Variants in FXR2 observed in about 807,000 individuals in gnomAD.
The protein encoded by FXR2 is RNA-binding protein FXR2.
FXR2 carries 9 observed loss-of-function variants against 87.3 expected under a neutral mutation model. That is an observed-to-expected ratio of 0.10 (90% CI 0.06 to 0.18). FXR2 has a LOEUF of 0.18. Among genes scored for constraint, FXR2 ranks in the 10% least tolerant of loss-of-function variants. The pLI is 1.00. For synonymous variants in FXR2, 331 were observed against 328.3 expected, an observed-to-expected ratio of 1.01 and a Z score of -0.09; for missense variants, 661 against 893.6, an observed-to-expected ratio of 0.74 and a Z score of 3.32.
chr17:7,610,341 T>C (rs1056160013), intron 1 of FXR2, among the ~76,000 whole-genome samples: 5 of 152,154 alleles, frequency 3.3e-5, no homozygotes, highest in Non-Finnish European at 7.3e-5. Context: ...TTACTGCTTT[T>C]GTGGAGAGAT....
At chr17:7,607,840 C>T (rs552248800) in intron 1 of FXR2, among the ~76,000 whole-genome samples, 23 of 152,042 alleles carry the variant, frequency 1.5e-4, no homozygotes, top group Non-Finnish European at 2.4e-4. Context: ...TTGTTGCCCA[C>T]GCTGGAGTGC....
intron 1 of FXR2, among the ~76,000 whole-genome samples, chr17:7,611,263 C>T (rs992044622): frequency 6.6e-6 from 1 of 151,706 alleles, no homozygotes; most frequent in African/African-American, 2.4e-5. Context: ...GTTACGGATG[C>T]CAGTCTGACA....
chr17:7,603,166 G>A (rs1478475078), intron 5 of FXR2, among the ~76,000 whole-genome samples, 164 bp from the exon 6 acceptor site: 1 of 150,440 alleles, frequency 6.6e-6, no homozygotes, highest in Non-Finnish European at 1.5e-5. Context: ...GGGCAACATA[G>A]TGAGACCCTG....
chr17:7,612,664 A>T (rs1053179978), intron 1 of FXR2, among the ~76,000 whole-genome samples: 4 of 152,092 alleles, frequency 2.6e-5, no homozygotes, highest in Non-Finnish European at 5.9e-5. Context: ...TGATGAGGGA[A>T]GTAAGGCAAA....
Position 7,592,072 on chromosome 17 carries a change from T to G in FXR2, c.1927-147A>C. ...ATCTCATGATCCAGTCTCTCTTACT[T>G]GGGATCCAGAAAATGTGAACCACAC... On this transcript the variant is annotated intron_variant, in intron 16 of 16. Transcript: ENST00000250113. The surrounding 1 kb of genome is among the most constrained non-coding windows in gnomAD (Gnocchi z 4.8). The G allele has an allele frequency of 7.0e-7, 1 of 1,434,104 alleles. No individual in the cohort carries two copies. Among genetic ancestry groups the G allele is most frequent in the Non-Finnish European group, 9.2e-7 (1 of 1,083,780 alleles). 88.8% of individuals were successfully genotyped at this position (1,434,104 alleles called of 1,614,324 possible). A position where few individuals can be genotyped will look rare whatever the true frequency, so the allele number is the denominator to read the frequency against.
At position 7,614,477 on chromosome 17, in the gene FXR2, C is replaced by T; in HGVS notation, c.56G>A (p.Arg19His). 1.3e-6 allele frequency: 2 copies of T among 1,541,478 alleles called. No individual in the cohort carries two copies. The highest frequency in any genetic ancestry group is 1.7e-6 in the Non-Finnish European group (2 of 1,146,600). ...CTTGTAGAAGGCCCCGTTGGAGCCG[C>T]GCACCTCGACGGGCAGTCCCGGCTC... ...DVEPGLPVEV[R>H]GSNGAFYKGF... The change falls in exon 1 of 17, where the codon CGC becomes CAC. Residue 19 changes from arginine to histidine, a missense_variant. Physicochemically the swap from Arg to His is conservative, Grantham distance 29 (BLOSUM62 0). This residue lies in a region of FXR2 where 170 missense variants were observed against 247.2 expected (regional missense o/e 0.69). Coordinates refer to ENST00000250113, the MANE Select transcript of FXR2 (RefSeq NM_004860.4).
In FXR2 at chr17:7,591,658, CCT is replaced by C; in HGVS notation, c.*170_*171del. On this transcript the variant is annotated 3_prime_UTR_variant, in exon 17 of 17. Coordinates refer to ENST00000250113, the MANE Select transcript of FXR2 (RefSeq NM_004860.4). This position sits in a 1 kb window ranked among gnomAD's most constrained non-coding sequence, Gnocchi z 4.0. ...GTGGACAAGAGGGAGGGGGTATGACCCTGTTACACACCCCTCCACTAGCTCCT... is the reference window on the plus strand; with the variant it reads ...GTGGACAAGAGGGAGGGGGTATGACCGTTACACACCCCTCCACTAGCTCCT... 1.5e-6 allele frequency: 1 copy of C among 649,150 alleles called. No homozygotes were observed. The allele number at this position is 649,150 out of a possible 1,614,324, so 40.2% of individuals were successfully genotyped here. A position where few individuals can be genotyped will look rare whatever the true frequency, so the allele number is the denominator to read the frequency against.
Position 7,593,534 on chromosome 17 carries a change from C to T in FXR2, c.1199G>A (p.Gly400Asp). The T allele has an allele frequency of 1.3e-6, 2 of 1,592,988 alleles. No homozygotes were observed. The highest frequency in any genetic ancestry group is 8.5e-7 in the Non-Finnish European group (1 of 1,171,446). The change falls in exon 12 of 17, where the codon GGC becomes GAC. Residue 400 changes from glycine (G) to aspartate (D), a missense_variant. By Grantham distance (94) the Gly-to-Asp change is moderately conservative. This residue lies in a region of FXR2 where 409 missense variants were observed against 432.0 expected (regional missense o/e 0.95). Coordinates refer to ENST00000250113, the MANE Select transcript of FXR2 (RefSeq NM_004860.4). This position sits in a 1 kb window ranked among gnomAD's most constrained non-coding sequence, Gnocchi z 6.1. ...TCCAGCCTTGTCGCTGCCACCGCTG[C>T]CCCGCCCACTCCCAGGAGGGCGAAA... ...LGFRPPGSGR[G>D]SGGSDKAGYS...
At chr17:7,599,943 GC>G (rs1353300532) in intron 7 of FXR2, among the ~76,000 whole-genome samples, 1 of 152,174 alleles carries the variant, frequency 6.6e-6, no homozygotes, top group Non-Finnish European at 1.5e-5. Context: ...TGTTGCCCAG[GC>G]TGGAGTACAA....
At chr17:7,599,135 C>CAA (rs35150877) in intron 7 of FXR2, among the ~76,000 whole-genome samples, 32 of 131,780 alleles carry the variant, frequency 2.4e-4, no homozygotes, top group African/African-American at 8.9e-4. Context: ...AAACTGTCTC[C>CAA]AAAAAAAAAA....
rs1254621147 is a variant in FXR2 at position 7,592,887 on chromosome 17, C to T, written c.1536G>A (p.Lys512=). The part of the protein sequence containing the change: ...YNSSSISSVL[K]DPDSNPYSLL... Reference sequence around the variant, plus strand: ...GGCTGTAGGGATTACTGTCTGGATCCTTCAGCACTGGTCAGAGGAAGAAGA... The same window carrying T: ...GGCTGTAGGGATTACTGTCTGGATCTTTCAGCACTGGTCAGAGGAAGAAGA... Residue 512 remains lysine (K), a synonymous_variant, in exon 14 of 17, where the codon AAG becomes AAA. Transcript: ENST00000250113. The surrounding 1 kb of genome is among the most constrained non-coding windows in gnomAD (Gnocchi z 4.8). The T allele has an allele frequency of 1.9e-6, 3 of 1,577,270 alleles. No individual in the cohort carries two copies. The highest frequency in any genetic ancestry group is 1.7e-6 in the Non-Finnish European group (2 of 1,160,744).
intron 5 of FXR2, 140 bp downstream of exon 5, chr17:7,603,617 C>T: frequency 1.5e-6 from 1 of 664,796 alleles, no homozygotes; most frequent in Non-Finnish European, 2.6e-6. Flanking sequence ...AACTAAGTGT[C>T]TTCTTAGCAA....
chr17:7,594,201 A>G lies in FXR2; in HGVS notation c.1020+37T>C. 1 of 1,246,248 alleles carries G rather than the reference A, an allele frequency of 8.0e-7. No homozygotes were observed. The highest frequency in any genetic ancestry group is 1.5e-5 in the African/African-American group (1 of 67,892). The allele number at this position is 1,246,248 out of a possible 1,614,324, so 77.2% of individuals were successfully genotyped here. ...AGAGGACAATCCCATTTACTTCTGG[A>G]AACCAATCTCTATGCCCACTTGCCC... On this transcript the variant is annotated intron_variant, in intron 10 of 16. Transcript: ENST00000250113. The surrounding 1 kb of genome is among the most constrained non-coding windows in gnomAD (Gnocchi z 5.1).
intron 1 of FXR2, among the ~76,000 whole-genome samples, chr17:7,610,047 T>TACAC (rs35635534): frequency 2.4e-4 from 33 of 137,174 alleles, no homozygotes; most frequent in African/African-American, 8.0e-4. Context: ...TGTATATATA[T>TACAC]ACACACACAC....
chr17:7,607,216 G>T (rs1429504385), intron 1 of FXR2, among the ~76,000 whole-genome samples: 1 of 151,638 alleles, frequency 6.6e-6, no homozygotes, highest in South Asian at 2.1e-4. Context: ...TATTTGGGAG[G>T]CTGAGGAAAG....
chr17:7,604,275 T>C (rs1287935670), intron 3 of FXR2, among the ~76,000 whole-genome samples, 195 bp from the exon 4 acceptor site: 1 of 151,432 alleles, frequency 6.6e-6, no homozygotes, highest in Non-Finnish European at 1.5e-5. Context: ...CATTAAGATA[T>C]TTGGGGCTGC....
At chr17:7,609,961 T>TACATGTATATGTATACATATGC (rs761974498) in intron 1 of FXR2, among the ~76,000 whole-genome samples, 1 of 109,464 alleles carries the variant, frequency 9.1e-6, no homozygotes, top group African/African-American at 2.8e-5. Flanking sequence ...TATACATATA[T>TACATGTATATGTATACATATGC]ATACATGTAT....
At chr17:7,598,546 T>G (rs1305897642) in intron 7 of FXR2, among the ~76,000 whole-genome samples, 3 of 152,134 alleles carry the variant, frequency 2.0e-5, no homozygotes, top group Non-Finnish European at 4.4e-5. Flanking sequence ...TCCCCCCTCC[T>G]CAGCCTACCG....
intron 7 of FXR2, 49 bp downstream of exon 7, chr17:7,601,360 G>A: frequency 5.1e-6 from 5 of 986,100 alleles, no homozygotes; most frequent in Non-Finnish European, 8.2e-6. Context: ...AGGGTAGGAA[G>A]GGAGGAAGAC....
Sources: gnomAD v4.1 joint callset for allele counts (sites outside exome capture counted in the v4.1 genomes callset) on GRCh38, gnomAD v4.1.1 for gene constraint, gnomAD v4.1.1 regional missense constraint, Gnocchi (gnomAD v3.1) non-coding constraint, MANE v1.5 for transcripts, NCBI Gene and HGNC (gene_info 2026-07-23, HGNC 2026-07-21) for gene names.